Variants in WWP1 observed in about 807,000 individuals in gnomAD.
WWP1 encodes WW domain containing E3 ubiquitin protein ligase 1, also known as NEDD4-like E3 ubiquitin-protein ligase WWP1.
Under a neutral mutation model 130.6 loss-of-function variants are expected in WWP1, and 49 were observed. The observed-to-expected ratio is 0.38, with a 90% confidence interval of 0.30 to 0.48. WWP1 has a LOEUF of 0.48. WWP1 is among the 20% of genes least tolerant of loss of function. WWP1 has a pLI of 0.99. For synonymous variants in WWP1, 332 were observed against 367.8 expected (o/e 0.90, Z 1.11); for missense variants, 809 against 1,100.6 (o/e 0.74, Z 3.75).
intron 8 of WWP1, among the ~76,000 whole-genome samples, chr8:86,410,492 C>T (rs888166231): frequency 2.0e-5 from 3 of 151,970 alleles, no homozygotes; most frequent in East Asian, 1.9e-4. Context: ...TTCATGGTTT[C>T]TCCAGCTTTC....
chr8:86,381,549 A>G lies in WWP1; in HGVS notation c.254A>G (p.His85Arg). Reference sequence around the variant, plus strand: ...ACATTGGAATTTCAAGTTTGGAGCCATCGCACTTTAAAAGCAGATGCTTTA... The same window carrying G: ...ACATTGGAATTTCAAGTTTGGAGCCGTCGCACTTTAAAAGCAGATGCTTTA... ...QTTLEFQVWS[H>R]RTLKADALLG... Residue 85 changes from histidine to arginine, a missense_variant, in exon 5 of 25, where the codon CAT becomes CGT. Transcript: ENST00000517970. 2 of 1,611,324 alleles carry G rather than the reference A, an allele frequency of 1.2e-6. No homozygotes were observed. The highest frequency in any genetic ancestry group is 1.7e-6 in the Non-Finnish European group (2 of 1,179,390).
chr8:86,380,280 A>G (rs997177321), intron 3 of WWP1, among the ~76,000 whole-genome samples: 5 of 152,194 alleles, frequency 3.3e-5, no homozygotes, highest in African/African-American at 7.2e-5. Context: ...GATTCCATCT[A>G]TATGAAATGT....
intron 2 of WWP1, 133 bp from the exon 3 acceptor site, chr8:86,373,897 G>T: frequency 6.8e-6 from 4 of 589,692 alleles, no homozygotes; most frequent in South Asian, 3.0e-5. Flanking sequence ...TCTTTTAATG[G>T]GATGGTAATA....
At chr8:86,356,620 A>T (rs886788794) in intron 1 of WWP1, among the ~76,000 whole-genome samples, 5 of 152,248 alleles carry the variant, frequency 3.3e-5, no homozygotes, top group Non-Finnish European at 5.9e-5. Flanking sequence ...ACGATGCCAA[A>T]GAAAGCCCTA....
chr8:86,439,517 G>A (rs1810483472), intron 17 of WWP1, among the ~76,000 whole-genome samples: 1 of 152,000 alleles, frequency 6.6e-6, no homozygotes, highest in South Asian at 2.1e-4. Context: ...TTTTTAAAAT[G>A]GCTGTACAAT....
At chr8:86,383,758 A>C (rs1193029959) in intron 5 of WWP1, among the ~76,000 whole-genome samples, 1 of 152,158 alleles carries the variant, frequency 6.6e-6, no homozygotes. Context: ...TAACTAAATA[A>C]ATATATAAAA....
chr8:86,344,885 TG>T (rs1822478265), intron 1 of WWP1, among the ~76,000 whole-genome samples: 1 of 152,224 alleles, frequency 6.6e-6, no homozygotes, highest in African/African-American at 2.4e-5. Flanking sequence ...GACCAGTTTA[TG>T]GGTTGTTTTT....
chr8:86,456,495 G>C (rs1303030140), intron 21 of WWP1, among the ~76,000 whole-genome samples: 4 of 151,910 alleles, frequency 2.6e-5, no homozygotes, highest in African/African-American at 9.7e-5. Flanking sequence ...ATGCTTATTA[G>C]TAATTGGGGA....
intron 20 of WWP1, among the ~76,000 whole-genome samples, chr8:86,450,691 T>G (rs1349198396): frequency 6.6e-6 from 1 of 152,206 alleles, no homozygotes; most frequent in Non-Finnish European, 1.5e-5. Context: ...TAACAGACTT[T>G]AGTCTTGTTT....
At chr8:86,413,483 G>T (rs1194505388) in intron 9 of WWP1, among the ~76,000 whole-genome samples, 2 of 152,210 alleles carry the variant, frequency 1.3e-5, no homozygotes, top group Non-Finnish European at 2.9e-5. Context: ...AGGAATACAT[G>T]CAGAGAAGGA....
chr8:86,406,498 T>C (rs1442050053), intron 8 of WWP1, among the ~76,000 whole-genome samples: 6 of 152,186 alleles, frequency 3.9e-5, no homozygotes, highest in African/African-American at 7.2e-5. Context: ...TAATTATAAA[T>C]AAACAGAAAG....
chr8:86,367,084 A>G (rs1398293513), intron 1 of WWP1, among the ~76,000 whole-genome samples: 1 of 152,208 alleles, frequency 6.6e-6, no homozygotes, highest in Non-Finnish European at 1.5e-5. Flanking sequence ...CAGGCTTTCT[A>G]ACCTTTTAGG....
At chr8:86,358,708 C>T (rs1563461998) in intron 1 of WWP1, among the ~76,000 whole-genome samples, 1 of 151,594 alleles carries the variant, frequency 6.6e-6, no homozygotes, top group African/African-American at 2.4e-5. Flanking sequence ...AAGGTTTTAC[C>T]GTGTTGCCTA....
intron 21 of WWP1, among the ~76,000 whole-genome samples, chr8:86,454,983 T>C (rs1407865778): frequency 6.6e-6 from 1 of 152,084 alleles, no homozygotes; most frequent in Non-Finnish European, 1.5e-5. Flanking sequence ...ACACCTAATC[T>C]GTTGTTCTTT....
chr8:86,374,030 G>T lies in WWP1; in HGVS notation c.-21G>T. 1 of 1,594,076 alleles carries T rather than the reference G, an allele frequency of 6.3e-7. No homozygotes were observed. On this transcript the variant is annotated splice_region_variant and 5_prime_UTR_variant, in exon 3 of 25. An upstream open reading frame in the 5' UTR loses its in-frame stop. Transcript: ENST00000517970. The stretch of plus-strand genomic sequence containing the variant: ...AATAAATTCCCCTTTTTTAAAATAG[G>T]TTTTAGCTGAATTTTGGGACATGGC...
At chr8:86,374,397 T>TGC (rs1459264129) in intron 3 of WWP1, among the ~76,000 whole-genome samples, 8 of 152,222 alleles carry the variant, frequency 5.3e-5, no homozygotes, top group Non-Finnish European at 1.2e-4. Flanking sequence ...CCTTAAATGA[T>TGC]TAATAGGATG....
chr8:86,457,831 A>T, intron 21 of WWP1, 90 bp from the exon 22 acceptor site: 5 of 1,149,040 alleles, frequency 4.4e-6, no homozygotes, highest in Non-Finnish European at 6.4e-6. Context: ...ATAATTTGCC[A>T]TGTGCATAAC....
At chr8:86,401,067 C>T (rs1807949792) in intron 7 of WWP1, among the ~76,000 whole-genome samples, 1 of 151,558 alleles carries the variant, frequency 6.6e-6, no homozygotes, top group Non-Finnish European at 1.5e-5. Flanking sequence ...CTTCCACTGC[C>T]AATAAGACTT....
chr8:86,437,002 C>G (rs1426262858), intron 16 of WWP1, among the ~76,000 whole-genome samples: 1 of 151,376 alleles, frequency 6.6e-6, no homozygotes. Context: ...GTAAATAGGT[C>G]AACTTTTTCT....
Sources: gnomAD v4.1 joint callset for allele counts (sites outside exome capture counted in the v4.1 genomes callset) on GRCh38, gnomAD v4.1.1 for gene constraint, MANE v1.5 for transcripts, NCBI Gene and HGNC (gene_info 2026-07-23, HGNC 2026-07-21) for gene names.